Variants in AKAP13 observed in about 807,000 individuals in gnomAD.
AKAP13 encodes A-kinase anchoring protein 13, also known as A-kinase anchor protein 13.
In AKAP13, 80 loss-of-function variants were observed where a neutral mutation model predicts 264.5. That is an observed-to-expected ratio of 0.30 (90% confidence interval 0.25 to 0.36). The LOEUF is 0.36. Among genes scored for constraint, AKAP13 ranks in the 10% least tolerant of loss-of-function variants. The pLI, the probability that AKAP13 is intolerant of heterozygous loss-of-function variation, is 1.00. For synonymous variants in AKAP13, 1,380 were observed against 1,250.2 expected (o/e 1.10, Z -2.19); for missense variants, 3,712 against 3,435.2 (o/e 1.08, Z -2.01).
At chr15:85,659,663 A>G (rs1434414897) in intron 12 of AKAP13, among the ~76,000 whole-genome samples, 1 of 152,234 alleles carries the variant, frequency 6.6e-6, no homozygotes, top group Non-Finnish European at 1.5e-5. Context: ...GAGCTTATTA[A>G]AAACATGCAC....
chr15:85,467,061 A>G (rs1214768512), intron 1 of AKAP13, among the ~76,000 whole-genome samples: 1 of 134,274 alleles, frequency 7.4e-6, no homozygotes, highest in Non-Finnish European at 1.6e-5. Context: ...TACTACATCT[A>G]TTATTGTATT....
intron 8 of AKAP13, among the ~76,000 whole-genome samples, chr15:85,629,483 A>G (rs2081585886): frequency 6.6e-6 from 1 of 152,202 alleles, no homozygotes; most frequent in Non-Finnish European, 1.5e-5. Flanking sequence ...TTCATTAGGC[A>G]TCCACCATGA....
chr15:85,523,715 TCA>T lies in AKAP13; in HGVS notation c.181+2145_181+2146del, dbSNP rs2076915375. 6.6e-5 allele frequency among the ~76,000 whole-genome samples: 10 copies of T among 152,332 alleles called. 1 individual carries two copies. In the South Asian group the frequency reaches 2.1e-3, roughly 32 times the overall value. On this transcript the variant is annotated intron_variant, in intron 3 of 36. Coordinates refer to ENST00000394518, the MANE Select transcript of AKAP13 (RefSeq NM_007200.5). ...AACTGTCACTTGATAGAACAACATTTCACACATCCAGCTTCCCAGAAGCTGCT... is the reference window on the plus strand; with the variant it reads ...AACTGTCACTTGATAGAACAACATTTCACATCCAGCTTCCCAGAAGCTGCT...
chr15:85,567,211 G>A (rs186643017), intron 5 of AKAP13, among the ~76,000 whole-genome samples: 2,024 of 152,004 alleles, frequency 0.013, 59 homozygotes, highest in African/African-American at 0.046. Flanking sequence ...GGGTTCAAAC[G>A]ATTCTCCTGC....
chr15:85,395,516 T>C (rs1052478080), intron 1 of AKAP13, among the ~76,000 whole-genome samples: 15 of 152,224 alleles, frequency 9.9e-5, no homozygotes, highest in African/African-American at 3.4e-4. Flanking sequence ...ATATGAATTA[T>C]GAATAATTGA....
At chr15:85,632,796 A>G (rs2081899312) in intron 8 of AKAP13, among the ~76,000 whole-genome samples, 1 of 152,230 alleles carries the variant, frequency 6.6e-6, no homozygotes, top group South Asian at 2.1e-4. Context: ...AAGGCAAATA[A>G]TGTTCACTTT....
chr15:85,560,820 T>A (rs921854078), intron 5 of AKAP13, among the ~76,000 whole-genome samples: 2 of 152,192 alleles, frequency 1.3e-5, no homozygotes, highest in Admixed American at 1.3e-4. Context: ...AATTGTATAA[T>A]TAGGTCAAAG....
chr15:85,557,142 C>T (rs978369414), intron 5 of AKAP13, among the ~76,000 whole-genome samples: 5 of 152,204 alleles, frequency 3.3e-5, no homozygotes, highest in Non-Finnish European at 7.3e-5. Context: ...CATTAATCCA[C>T]ATAAATTACT....
intron 11 of AKAP13, among the ~76,000 whole-genome samples, chr15:85,656,734 C>G (rs1251830953): frequency 6.6e-6 from 1 of 152,202 alleles, no homozygotes; most frequent in Non-Finnish European, 1.5e-5. Flanking sequence ...AGGCGTGAGC[C>G]AGCGCGCCTG....
At chr15:85,424,113 C>G (rs9635408) in intron 1 of AKAP13, among the ~76,000 whole-genome samples, 32,383 of 152,132 alleles carry the variant, frequency 0.21, 4,217 homozygotes, top group African/African-American at 0.34. Context: ...TGAGCATTGG[C>G]TTCAACTTAA....
chr15:85,593,298 T>A (rs1448503255), intron 8 of AKAP13, among the ~76,000 whole-genome samples: 1 of 151,984 alleles, frequency 6.6e-6, no homozygotes, highest in Non-Finnish European at 1.5e-5. Context: ...GAAGGCAGAA[T>A]GAGACTCTAT....
At chr15:85,649,984 A>T (rs546075467) in intron 10 of AKAP13, among the ~76,000 whole-genome samples, 1 of 152,308 alleles carries the variant, frequency 6.6e-6, no homozygotes, top group East Asian at 1.9e-4. Context: ...TAGCAGATGT[A>T]TCTACAATTG....
chr15:85,747,338 T>G lies in AKAP13; in HGVS notation c.*2661T>G, dbSNP rs1353345329. The G allele has an allele frequency of 6.6e-6, 1 of 151,996 alleles. No homozygotes were observed. The highest frequency in any genetic ancestry group is 1.5e-5 in the Non-Finnish European group (1 of 68,056). 9.4% of individuals were successfully genotyped at this position (151,996 alleles called of 1,614,324 possible). A position where few individuals can be genotyped will look rare whatever the true frequency, so the allele number is the denominator to read the frequency against. ...TTTGCTCATGGCCTTGACAGTGCTC[T>G]AGTTGCTGGATCTAATGGCCTGTCT... is the stretch of plus-strand genomic sequence containing the variant. On this transcript the variant is annotated 3_prime_UTR_variant, in exon 37 of 37. Transcript: ENST00000394518.
At position 85,390,448 on chromosome 15, in the gene AKAP13, C is replaced by G. The variant is rs183748949; in HGVS notation, c.-12+9650C>G. Among the ~76,000 whole-genome samples, 37 of 152,202 alleles carry G rather than the reference C, an allele frequency of 2.4e-4. No individual in the cohort carries two copies. The East Asian group carries it at 6.2e-3, about 25-fold the overall frequency. On this transcript the variant is annotated intron_variant, in intron 1 of 36. Transcript: ENST00000394518. ...TGAGATGGGAGAATGAACAGGGAGC[C>G]TGGTGTGGCTGGAATGGGTGAGAAA... is the stretch of plus-strand genomic sequence containing the variant.
chr15:85,534,321 C>T (rs28397760), intron 4 of AKAP13: 21,808 of 186,802 alleles, frequency 0.12, 1,557 homozygotes, highest in East Asian at 0.31. Context: ...AGCATGAGAA[C>T]AGGGTGTGCT....
intron 1 of AKAP13, among the ~76,000 whole-genome samples, chr15:85,414,158 C>G (rs2072120839): frequency 6.6e-6 from 1 of 152,116 alleles, no homozygotes; most frequent in African/African-American, 2.4e-5. Context: ...AACCAGTCTT[C>G]CTTTTTTTCA....
chr15:85,638,668 G>A (rs957245539), intron 8 of AKAP13, among the ~76,000 whole-genome samples: 1 of 152,044 alleles, frequency 6.6e-6, no homozygotes, highest in Non-Finnish European at 1.5e-5. Context: ...TTTTTAATTT[G>A]TGGGGAAGGG....
At chr15:85,447,528 A>T (rs1447464681) in intron 1 of AKAP13, among the ~76,000 whole-genome samples, 1 of 149,752 alleles carries the variant, frequency 6.7e-6, no homozygotes, top group Non-Finnish European at 1.5e-5. Flanking sequence ...CTCCTCCCCC[A>T]CCCCCAAATA....
intron 5 of AKAP13, among the ~76,000 whole-genome samples, chr15:85,571,196 A>G (rs1392608979): frequency 6.6e-6 from 1 of 152,162 alleles, no homozygotes; most frequent in Non-Finnish European, 1.5e-5. Flanking sequence ...TATTAAAAAG[A>G]TTGGTAAAAT....
Sources: allele counts gnomAD v4.1 joint callset (sites outside exome capture counted in the v4.1 genomes callset), GRCh38; gene constraint gnomAD v4.1.1; transcripts MANE v1.5; gene names NCBI Gene and HGNC (gene_info 2026-07-23, HGNC 2026-07-21).